Variants in PCDH15 observed in about 807,000 individuals in gnomAD.
The protein encoded by PCDH15 is protocadherin related 15, also known as protocadherin-15.
Under a neutral mutation model 178.5 loss-of-function variants are expected in PCDH15, and 129 were observed. The observed-to-expected ratio is 0.72, with a 90% CI of 0.63 to 0.84. The LOEUF is 0.84. Among genes scored for constraint, PCDH15 ranks in the 40% least tolerant of loss-of-function variants. PCDH15 has a pLI of 0.00. For synonymous variants in PCDH15, 800 were observed against 732.0 expected (o/e 1.09, Z -1.50); for missense variants, 2,230 against 2,099.9 (o/e 1.06, Z -1.21).
intron 2 of PCDH15, among the ~76,000 whole-genome samples, chr10:55,606,521 A>C (rs955884063): frequency 7.6e-5 from 11 of 145,314 alleles, no homozygotes; most frequent in Non-Finnish European, 1.1e-4. Context: ...AGTAACCAAA[A>C]CAGCATGGTA....
chr10:54,830,640 C>T (rs535460165), intron 3 of PCDH15, among the ~76,000 whole-genome samples: 2 of 151,354 alleles, frequency 1.3e-5, no homozygotes, highest in South Asian at 2.1e-4. Context: ...TGCTAAATGA[C>T]GAGTTAATGG....
At chr10:54,277,674 G>A (rs1238698972) in intron 8 of PCDH15, among the ~76,000 whole-genome samples, 1 of 151,610 alleles carries the variant, frequency 6.6e-6, no homozygotes, top group African/African-American at 2.4e-5. Context: ...GGGAGACGTT[G>A]TGAAATAGAA....
intron 2 of PCDH15, among the ~76,000 whole-genome samples, chr10:54,971,974 C>T (rs73267914): frequency 0.019 from 2,938 of 152,184 alleles, 110 homozygotes; most frequent in African/African-American, 0.067. Flanking sequence ...AGGACACTGT[C>T]GATTCCCTGA....
rs368589217 is a variant in PCDH15, at chr10:54,478,341, G to A, written c.157+49471C>T. 5.3e-5 allele frequency among the ~76,000 whole-genome samples: 8 copies of A among 152,110 alleles called. No individual in the cohort carries two copies. In the East Asian group the frequency reaches 1.5e-3, roughly 29 times the overall value. On this transcript the variant is annotated intron_variant, in intron 3 of 37. Coordinates refer to ENST00000644397, the MANE Select transcript of PCDH15 (RefSeq NM_001384140.1). ...AAAAGTTTACTAAAACAGGTCCTAAGGAAAAAGACTTTGAAACCAGTTACC... is the reference window on the plus strand; with the variant it reads ...AAAAGTTTACTAAAACAGGTCCTAAAGAAAAAGACTTTGAAACCAGTTACC...
chr10:55,055,773 C>T (rs1256850904), intron 2 of PCDH15, among the ~76,000 whole-genome samples: 3 of 152,002 alleles, frequency 2.0e-5, no homozygotes, highest in African/African-American at 7.2e-5. Flanking sequence ...TGTGCCACTG[C>T]ATTCCAACCT....
At position 54,078,754 on chromosome 10, in the gene PCDH15, A is replaced by ATTT. The variant is rs34613457; in HGVS notation, c.2091+574_2091+576dup. Among the ~76,000 whole-genome samples, 739 of 148,790 alleles carry ATTT rather than the reference A, an allele frequency of 5.0e-3. 6 individuals are homozygous for ATTT. Among genetic ancestry groups the ATTT allele is most frequent in the African/African-American group, 0.018 (699 of 39,914 alleles). On this transcript the variant is annotated intron_variant, in intron 17 of 37. Coordinates refer to ENST00000644397, the MANE Select transcript of PCDH15 (RefSeq NM_001384140.1). ...TTAAAGCAGTTCAGAATGTCTAACA[A>ATTT]TTTTTTTTTTTTAAAGTGAGTTTTA... is the stretch of plus-strand genomic sequence containing the variant.
At chr10:55,622,005 GTA>G (rs1161448967) in intron 2 of PCDH15, among the ~76,000 whole-genome samples, 2 of 138,942 alleles carry the variant, frequency 1.4e-5, no homozygotes, top group Non-Finnish European at 3.1e-5. Context: ...ATTTATATAT[GTA>G]TATATAATAA....
intron 2 of PCDH15, among the ~76,000 whole-genome samples, chr10:54,996,051 C>G (rs972972224): frequency 6.6e-6 from 1 of 152,150 alleles, no homozygotes; most frequent in African/African-American, 2.4e-5. Flanking sequence ...CAGTGGGGAG[C>G]AGGACCTATA....
intron 2 of PCDH15, among the ~76,000 whole-genome samples, chr10:55,019,666 T>C (rs968864177): frequency 6.6e-6 from 1 of 152,166 alleles, no homozygotes; most frequent in Non-Finnish European, 1.5e-5. Context: ...GAATCCTGCA[T>C]CTGTTGCCAG....
intron 2 of PCDH15, among the ~76,000 whole-genome samples, chr10:55,484,209 A>G (rs538590201): frequency 1.0e-3 from 155 of 151,828 alleles, no homozygotes; most frequent in Non-Finnish European, 1.8e-3. Context: ...ATACCTGGTT[A>G]GTAAGATAAT....
intron 1 of PCDH15, among the ~76,000 whole-genome samples, chr10:55,173,245 A>C (rs1316386511): frequency 6.6e-6 from 1 of 151,612 alleles, no homozygotes; most frequent in Non-Finnish European, 1.5e-5. Context: ...TTAGAGAACT[A>C]TTTTAAGTCA....
chr10:55,471,620 C>T (rs966675890), intron 2 of PCDH15, among the ~76,000 whole-genome samples: 5 of 152,178 alleles, frequency 3.3e-5, no homozygotes, highest in African/African-American at 9.7e-5. Context: ...AGTCTGGTCT[C>T]GAACTCCCAA....
intron 2 of PCDH15, among the ~76,000 whole-genome samples, chr10:55,085,879 C>A (rs1445257306): frequency 1.3e-5 from 2 of 151,504 alleles, no homozygotes; most frequent in Middle Eastern, 3.7e-3. Flanking sequence ...CCATGTGTAA[C>A]TATAATAATA....
intron 13 of PCDH15, among the ~76,000 whole-genome samples, chr10:54,173,912 C>G (rs572671862): frequency 6.6e-6 from 1 of 152,016 alleles, no homozygotes; most frequent in Non-Finnish European, 1.5e-5. Context: ...TTTGAGGAAG[C>G]GGCATTTAAA....
At chr10:55,137,467 GTGAGAAAGTT>G (rs766445139) in intron 2 of PCDH15, among the ~76,000 whole-genome samples, 9 of 151,836 alleles carry the variant, frequency 5.9e-5, no homozygotes, top group Non-Finnish European at 1.3e-4. Context: ...TGTTTGCCCA[GTGAGAAAGTT>G]CCCCAATTAC....
At chr10:53,866,514 G>A (rs1168067062) in intron 27 of PCDH15, 128 bp downstream of exon 27, 3 of 660,036 alleles carry the variant, frequency 4.5e-6, no homozygotes, top group Non-Finnish European at 8.3e-6. Flanking sequence ...CTAACAATCT[G>A]AGTGAAAATA....
intron 13 of PCDH15, among the ~76,000 whole-genome samples, chr10:54,180,058 G>C (rs998231770): frequency 6.6e-6 from 1 of 152,114 alleles, no homozygotes; most frequent in Admixed American, 6.6e-5. Context: ...CGGTCTGCAT[G>C]GAATGAAAAA....
chr10:54,435,006 T>C (rs1193281591), intron 3 of PCDH15, among the ~76,000 whole-genome samples: 1 of 152,044 alleles, frequency 6.6e-6, no homozygotes, highest in Non-Finnish European at 1.5e-5. Context: ...AGGGGTTTAG[T>C]GAGATTTAGT....
rs1047293682 is a variant in PCDH15 at position 54,008,949 on chromosome 10, A to T, written c.2751+11243T>A. ...GCATCTTCATAACCACCAATATTAT[A>T]TTCCCTAAATATTTTTGTAACAGAT... On this transcript the variant is annotated intron_variant, in intron 20 of 37. Transcript: ENST00000644397. Among the ~76,000 whole-genome samples, 11 of 152,266 alleles carry T rather than the reference A, an allele frequency of 7.2e-5. No homozygotes were observed. In the East Asian group the frequency reaches 2.1e-3, roughly 29 times the overall value.
Sources: gnomAD v4.1 joint callset for allele counts (sites outside exome capture counted in the v4.1 genomes callset) on GRCh38, gnomAD v4.1.1 for gene constraint, MANE v1.5 for transcripts, NCBI Gene and HGNC (gene_info 2026-07-23, HGNC 2026-07-21) for gene names.